SSX1: variants seen among roughly 807,000 people sequenced by gnomAD.
The protein encoded by SSX1 is SSX family member 1.
SSX1 carries 58 observed loss-of-function variants against 14.6 expected under a neutral mutation model. The observed-to-expected ratio is 3.96, with a 90% CI of 3.21 to 4.93. The LOEUF (loss-of-function observed/expected upper bound fraction) is 4.93, where lower values mean the gene tolerates loss of function less well. Ranked by LOEUF, SSX1 falls within the 30% of genes most tolerant of loss-of-function variation. The pLI is 0.00. For missense variants in SSX1, 272 were observed against 143.1 expected (o/e 1.90, Z -4.60); for synonymous variants, 46 against 52.1 (o/e 0.88, Z 0.50).
intron 6 of SSX1, among the ~76,000 whole-genome samples, chrX:48,266,040 A>G (rs2059621847): frequency 1.8e-5 from 2 of 112,017 alleles, no homozygotes; most frequent in Non-Finnish European, 3.8e-5. Flanking sequence ...ATGTTCCCGT[A>G]AGTGAAGAGG....
intron 2 of SSX1, 103 bp from the exon 3 acceptor site, chrX:48,257,643 T>C (rs1488983843): frequency 3.5e-6 from 4 of 1,138,453 alleles, no homozygotes; most frequent in Non-Finnish European, 4.7e-6. Flanking sequence ...CCAGGACGGA[T>C]TATCATCCTC....
At position 48,261,114 on chromosome X, in the gene SSX1, T is replaced by A. The variant is rs188068813; in HGVS notation, c.281-652T>A. 2.7e-5 allele frequency among the ~76,000 whole-genome samples: 3 copies of A among 111,777 alleles called. No individual in the cohort carries two copies. In the East Asian group the frequency reaches 8.4e-4, roughly 31 times the overall value. On this transcript the variant is annotated intron_variant, in intron 4 of 7. Transcript: ENST00000376919. ...TAGAGATCTTTGTGCATTTCAGGAA[T>A]AGAAAGGGGACATATTTGTTTACTT...
rs782487718 is a variant in SSX1 at position 48,261,784 on chromosome X, C to CT, written c.302dup (p.Gly102ArgfsTer21). 2.5e-6 allele frequency: 3 copies of CT among 1,211,247 alleles called. No homozygotes were observed. The highest frequency in any genetic ancestry group is 4.3e-5 in the Admixed American group (2 of 45,996). ...CTTTCAGTTGAACATCCTCAGATGA[C>CT]TTTCGGCAGGCTCCACAGAATCATC... On this transcript the variant is annotated frameshift_variant, in exon 5 of 8. Transcript: ENST00000376919. LOFTEE classifies it high-confidence loss of function.
chrX:48,255,495 C>T (rs2059577240), intron 1 of SSX1, 63 bp downstream of exon 1: 1 of 110,021 alleles, frequency 9.1e-6, no homozygotes, highest in Non-Finnish European at 1.9e-5. Flanking sequence ...AGGAGGAAGC[C>T]TCTGTAGGGC....
At chrX:48,262,276 G>A (rs1483237136) in intron 5 of SSX1, among the ~76,000 whole-genome samples, 20 of 112,139 alleles carry the variant, frequency 1.8e-4, no homozygotes, top group Non-Finnish European at 3.0e-4. Context: ...TGAGGCTATC[G>A]GGGTACAGAG....
At chrX:48,263,183 T>C (rs1244247559) in intron 5 of SSX1, among the ~76,000 whole-genome samples, 3 of 110,954 alleles carry the variant, frequency 2.7e-5, no homozygotes, top group African/African-American at 9.8e-5. Flanking sequence ...CATCCCAGTG[T>C]AACCAGAATT....
intron 5 of SSX1, among the ~76,000 whole-genome samples, chrX:48,263,247 GTGGTATGCCAGATC>G (rs1569451894): frequency 4.5e-5 from 5 of 111,261 alleles, no homozygotes; most frequent in African/African-American, 1.6e-4. Context: ...CCTCGGTAGG[GTGGTATGCCAGATC>G]TGGTACTGCT....
chrX:48,263,671 G>A (rs782450112), intron 5 of SSX1, 111 bp from the exon 6 acceptor site: 19 of 1,041,632 alleles, frequency 1.8e-5, no homozygotes, highest in African/African-American at 3.8e-5. Flanking sequence ...AACTCTCCCC[G>A]CGTTGTTGAG....
At chrX:48,259,395 C>A (rs1328614059) in intron 4 of SSX1, among the ~76,000 whole-genome samples, 31 of 111,764 alleles carry the variant, frequency 2.8e-4, no homozygotes, top group African/African-American at 9.7e-4. Context: ...ATTCCCCATA[C>A]TATTCTGTGT....
At chrX:48,256,483 A>G (rs1244080076) in intron 1 of SSX1, among the ~76,000 whole-genome samples, 2 of 7,797 alleles carry the variant, frequency 2.6e-4, no homozygotes, top group Non-Finnish European at 5.4e-4. Context: ...TTTTTTTTGT[A>G]GAGATGAGGG....
chrX:48,265,608 T>C (rs781911939), intron 6 of SSX1, among the ~76,000 whole-genome samples: 32 of 111,741 alleles, frequency 2.9e-4, no homozygotes, highest in African/African-American at 1.0e-3. Flanking sequence ...CTATAGTCAA[T>C]AATAACTTAA....
intron 4 of SSX1, among the ~76,000 whole-genome samples, chrX:48,259,699 G>C (rs2059597330): frequency 9.1e-6 from 1 of 110,323 alleles, no homozygotes; most frequent in South Asian, 3.9e-4. Context: ...AGAATATGCG[G>C]TGTTTGGTTT....
rs782274191 is a variant in SSX1 at position 48,266,305 on chromosome X, A to G, written c.485A>G (p.His162Arg). Residue 162 changes from histidine (H) to arginine (R), a missense_variant, in exon 7 of 8, where the codon CAT (histidine) becomes CGT (arginine). By Grantham distance (29) the His-to-Arg change is conservative. Coordinates refer to ENST00000376919, the MANE Select transcript of SSX1 (RefSeq NM_005635.4). ...ATCATAGGACCCAAAAGGGGGAAAC[A>G]TGCCTGGACCCACAGACTGCGTGAG... ...NKRSGPKRGK[H>R]AWTHRLRERK... 30 of 1,208,014 alleles carry G rather than the reference A, an allele frequency of 2.5e-5. No homozygotes were observed. In the East Asian group the frequency reaches 8.6e-4, roughly 35 times the overall value.
intron 6 of SSX1, among the ~76,000 whole-genome samples, chrX:48,266,060 T>A (rs1334803487): frequency 8.9e-6 from 1 of 111,996 alleles, no homozygotes; most frequent in Non-Finnish European, 1.9e-5. Context: ...GTTGGTAATC[T>A]AAACGTCACA....
At chrX:48,261,051 G>A (rs1246935367) in intron 4 of SSX1, among the ~76,000 whole-genome samples, 4 of 111,749 alleles carry the variant, frequency 3.6e-5, no homozygotes, top group South Asian at 3.7e-4. Flanking sequence ...GTCAGTGAGC[G>A]GAGATAACAT....
chrX:48,258,495 A>G (rs375162928), intron 3 of SSX1, 41 bp from the exon 4 acceptor site: 11 of 1,069,701 alleles, frequency 1.0e-5, no homozygotes, highest in Non-Finnish European at 1.3e-5. Context: ...TGCCAGGCCT[A>G]AGTTTGTCCC....
intron 6 of SSX1, 146 bp downstream of exon 6, chrX:48,264,063 A>G: frequency 1.9e-6 from 2 of 1,057,394 alleles, no homozygotes; most frequent in Non-Finnish European, 2.5e-6. Context: ...GATGTTAGAC[A>G]TGACTTCCAG....
At chrX:48,266,770 C>A in intron 7 of SSX1, 84 bp from the exon 8 acceptor site, 2 of 640,545 alleles carry the variant, frequency 3.1e-6, no homozygotes, top group Admixed American at 4.7e-5. Flanking sequence ...TGTGCAGGGT[C>A]TGCAGGTCAG....
intron 6 of SSX1, 94 bp from the exon 7 acceptor site, chrX:48,266,193 T>G (rs2059622484): frequency 8.4e-7 from 1 of 1,189,139 alleles, no homozygotes; most frequent in Non-Finnish European, 1.1e-6. Flanking sequence ...CATGGGCACT[T>G]GGGAGGGAGG....
Sources: allele counts gnomAD v4.1 joint callset (sites outside exome capture counted in the v4.1 genomes callset), GRCh38; gene constraint gnomAD v4.1.1; transcripts MANE v1.5; gene names NCBI Gene and HGNC (gene_info 2026-07-23, HGNC 2026-07-21).